The following MAGI1 variants were observed in gnomAD, a reference collection of about 807,000 sequenced individuals.
The protein encoded by MAGI1 is membrane-associated guanylate kinase, WW and PDZ domain-containing protein 1.
Under a neutral mutation model 139.9 loss-of-function variants are expected in MAGI1, and 58 were observed. The observed-to-expected ratio is 0.41, with a 90% CI of 0.34 to 0.52. The LOEUF is 0.52. Among genes scored for constraint, MAGI1 ranks in the 20% least tolerant of loss-of-function variants. MAGI1 has a pLI of 0.12. For missense variants in MAGI1, 1,874 were observed against 1,901.6 expected (o/e 0.99, Z 0.27); for synonymous variants, 812 against 737.9 (o/e 1.10, Z -1.63).
intron 18 of MAGI1, among the ~76,000 whole-genome samples, chr3:65,369,737 G>A (rs936751372): frequency 1.3e-5 from 2 of 151,894 alleles, no homozygotes; most frequent in African/African-American, 2.4e-5. Context: ...TTGAACTCCT[G>A]AGCTCAGGCA....
chr3:65,453,174 C>T (rs913298668), intron 6 of MAGI1, 84 bp downstream of exon 6: 1 of 1,192,804 alleles, frequency 8.4e-7, no homozygotes, highest in Non-Finnish European at 1.2e-6. Context: ...TAAGACCCGA[C>T]TGACCTGGCT....
intron 2 of MAGI1, among the ~76,000 whole-genome samples, chr3:65,595,810 G>T: frequency 6.2e-5 from 1 of 16,146 alleles, no homozygotes; most frequent in African/African-American, 1.6e-4. Context: ...AACTCTCTGG[G>T]GTGGGTAGGG....
intron 1 of MAGI1, among the ~76,000 whole-genome samples, chr3:65,768,553 T>C (rs1181004646): frequency 6.6e-6 from 1 of 152,232 alleles, no homozygotes; most frequent in Non-Finnish European, 1.5e-5. Flanking sequence ...AAAATAAGAC[T>C]ATTGAAATCA....
intron 1 of MAGI1, among the ~76,000 whole-genome samples, chr3:65,798,236 G>C (rs1050664913): frequency 6.6e-6 from 1 of 150,898 alleles, no homozygotes; most frequent in African/African-American, 2.4e-5. Context: ...CCCGGGAGAC[G>C]GAGCTTGCCG....
At chr3:65,789,212 T>G (rs1189055698) in intron 1 of MAGI1, among the ~76,000 whole-genome samples, 1 of 151,926 alleles carries the variant, frequency 6.6e-6, no homozygotes, top group Non-Finnish European at 1.5e-5. Flanking sequence ...AATAAATAAA[T>G]AATGACCAAA....
chr3:65,470,795 C>T (rs1950513597), intron 4 of MAGI1, among the ~76,000 whole-genome samples: 1 of 152,136 alleles, frequency 6.6e-6, no homozygotes, highest in Non-Finnish European at 1.5e-5. Flanking sequence ...GACTCAAACT[C>T]TTAAACTAAG....
chr3:66,030,439 C>T (rs1221635078), intron 1 of MAGI1, among the ~76,000 whole-genome samples: 2 of 152,136 alleles, frequency 1.3e-5, no homozygotes, highest in Admixed American at 1.3e-4. Context: ...TGTGGGAGAA[C>T]AAGACAACAT....
chr3:65,674,110 A>G (rs894588113), intron 1 of MAGI1, among the ~76,000 whole-genome samples: 6 of 152,212 alleles, frequency 3.9e-5, no homozygotes, highest in African/African-American at 1.2e-4. Context: ...CGACAGCTCA[A>G]TAAGGTTAGG....
At chr3:65,406,273 G>A (rs985003797) in intron 12 of MAGI1, among the ~76,000 whole-genome samples, 2 of 151,678 alleles carry the variant, frequency 1.3e-5, no homozygotes, top group East Asian at 2.0e-4. Context: ...AGCAGAAGCC[G>A]AGCATTGCCA....
intron 1 of MAGI1, among the ~76,000 whole-genome samples, chr3:65,995,463 G>A (rs1023204925): frequency 6.6e-6 from 1 of 151,994 alleles, no homozygotes. Context: ...TTTTCAAAGA[G>A]TAGAGGTGAT....
At chr3:65,471,234 TG>T (rs1467816869) in intron 4 of MAGI1, among the ~76,000 whole-genome samples, 2 of 152,086 alleles carry the variant, frequency 1.3e-5, no homozygotes, top group African/African-American at 2.4e-5. Flanking sequence ...ACATCAGGGG[TG>T]ATGTCATCAA....
chr3:65,829,508 A>C (rs1287794167), intron 1 of MAGI1, among the ~76,000 whole-genome samples: 1 of 152,204 alleles, frequency 6.6e-6, no homozygotes, highest in Non-Finnish European at 1.5e-5. Context: ...ATGACGAAGA[A>C]GACCTCCCCA....
At chr3:65,616,284 G>C (rs187820397) in intron 2 of MAGI1, among the ~76,000 whole-genome samples, 1 of 152,130 alleles carries the variant, frequency 6.6e-6, no homozygotes, top group African/African-American at 2.4e-5. Context: ...GACAAGCCAA[G>C]GGCACATGGG....
chr3:66,008,259 G>A (rs2067136233), intron 1 of MAGI1, among the ~76,000 whole-genome samples: 1 of 152,190 alleles, frequency 6.6e-6, no homozygotes, highest in African/African-American at 2.4e-5. Flanking sequence ...TCACGTGGGA[G>A]TTTGTTAGAG....
chr3:65,505,605 C>T (rs1412501915), intron 2 of MAGI1, among the ~76,000 whole-genome samples: 1 of 150,402 alleles, frequency 6.6e-6, no homozygotes, highest in East Asian at 2.0e-4. Flanking sequence ...CATGATCGTG[C>T]CACTGCACTC....
chr3:65,625,357 T>C (rs184794050), intron 1 of MAGI1, among the ~76,000 whole-genome samples: 1 of 152,310 alleles, frequency 6.6e-6, no homozygotes, highest in Non-Finnish European at 1.5e-5. Flanking sequence ...TGAGTCAATG[T>C]TCAGGTTGCG....
At chr3:65,956,673 TA>T (rs1161137934) in intron 1 of MAGI1, among the ~76,000 whole-genome samples, 1 of 152,106 alleles carries the variant, frequency 6.6e-6, no homozygotes, top group Non-Finnish European at 1.5e-5. Context: ...CGTGGTAACA[TA>T]AACTAGAAGA....
intron 1 of MAGI1, among the ~76,000 whole-genome samples, chr3:65,915,569 G>GA (rs1441584611): frequency 6.6e-6 from 1 of 152,202 alleles, no homozygotes; most frequent in African/African-American, 2.4e-5. Flanking sequence ...CTGGGAAGAG[G>GA]AAAAACGATG....
chr3:65,981,907 T>A (rs1164725161), intron 1 of MAGI1, among the ~76,000 whole-genome samples: 1 of 152,224 alleles, frequency 6.6e-6, no homozygotes, highest in African/African-American at 2.4e-5. Context: ...ATGTCCTTAT[T>A]GGCAGTGTGA....
Sources: gnomAD v4.1 joint callset for allele counts (sites outside exome capture counted in the v4.1 genomes callset) on GRCh38, gnomAD v4.1.1 for gene constraint, MANE v1.5 for transcripts, NCBI Gene and HGNC (gene_info 2026-07-23, HGNC 2026-07-21) for gene names.